Variants in AGK observed in about 807,000 individuals in gnomAD.
AGK encodes the protein acylglycerol kinase, mitochondrial.
Under a neutral mutation model 66.4 loss-of-function variants are expected in AGK, and 52 were observed. The observed-to-expected ratio is 0.78, with a 90% CI of 0.63 to 0.99. AGK has a LOEUF of 0.99. Among genes scored for constraint, AGK ranks in the 50% least tolerant of loss-of-function variants. The pLI is 0.00. For missense variants in AGK, 451 were observed against 506.6 expected (o/e 0.89, Z 1.05); for synonymous variants, 182 against 181.1 (o/e 1.00, Z -0.04).
chr7:141,636,705 G>A (rs749083253), intron 10 of AGK, among the ~76,000 whole-genome samples: 4 of 152,184 alleles, frequency 2.6e-5, no homozygotes, highest in Non-Finnish European at 5.9e-5. Flanking sequence ...GACTCAAGGA[G>A]CCTGGTTATA....
chr7:141,603,731 G>A lies in AGK; in HGVS notation c.297+2451G>A, dbSNP rs142422327. On this transcript the variant is annotated intron_variant, in intron 5 of 15. Coordinates refer to ENST00000649286, the MANE Select transcript of AGK (RefSeq NM_018238.4). ...CATAGTGGCATGGCTGAGGAAGGGT[G>A]GTCTTCGATGGCTTTACTCACGTCT... 2.2e-3 allele frequency among the ~76,000 whole-genome samples: 342 copies of A among 152,214 alleles called. 1 individual carries two copies. The highest frequency in any genetic ancestry group is 6.8e-3 in the Middle Eastern group (2 of 294).
rs1273605004 is a variant in AGK at position 141,577,892 on chromosome 7, C to T, written c.102-15254C>T. Among the ~76,000 whole-genome samples, 4 of 150,626 alleles carry T rather than the reference C, an allele frequency of 2.7e-5. No individual in the cohort carries two copies. In the East Asian group the frequency reaches 7.8e-4, roughly 29 times the overall value. ...GGCGTGCAGTGGTGTGATCTCTGCTCACTGCAACCTCCCAGGTTCAAGCAA... is the reference window on the plus strand; with the variant it reads ...GGCGTGCAGTGGTGTGATCTCTGCTTACTGCAACCTCCCAGGTTCAAGCAA... On this transcript the variant is annotated intron_variant, in intron 2 of 15. Coordinates refer to ENST00000649286, the MANE Select transcript of AGK (RefSeq NM_018238.4).
chr7:141,625,079 A>AT (rs1195168325), intron 9 of AGK, among the ~76,000 whole-genome samples: 1 of 152,190 alleles, frequency 6.6e-6, no homozygotes, highest in African/African-American at 2.4e-5. Context: ...AATTGTTAGC[A>AT]TTTTTTAATT....
chr7:141,633,827 T>A, intron 9 of AGK, 74 bp from the exon 10 acceptor site: 3 of 1,317,774 alleles, frequency 2.3e-6, no homozygotes, highest in Non-Finnish European at 3.3e-6. Flanking sequence ...CATGAACATT[T>A]GCTGAGTACT....
intron 13 of AGK, among the ~76,000 whole-genome samples, chr7:141,643,922 A>G (rs1211109409): frequency 2.0e-5 from 3 of 152,138 alleles, no homozygotes; most frequent in Non-Finnish European, 4.4e-5. Context: ...TGTCTCAGCA[A>G]TTTGGCATAG....
Position 141,649,967 on chromosome 7 carries a change from C to T in AGK, c.1046+634C>T, listed in dbSNP as rs138615397. Reference sequence around the variant, plus strand: ...TTCTGTGATTTGTTAAGTCCTACCTCTGCCAGAATTTTATTGGTAAAGAAC... The same window carrying T: ...TTCTGTGATTTGTTAAGTCCTACCTTTGCCAGAATTTTATTGGTAAAGAAC... On this transcript the variant is annotated intron_variant, in intron 14 of 15. Transcript: ENST00000649286. 1.4e-3 allele frequency among the ~76,000 whole-genome samples: 207 copies of T among 152,364 alleles called. 2 individuals carry two copies. The highest frequency in any genetic ancestry group is 4.8e-3 in the African/African-American group (199 of 41,594).
At chr7:141,554,694 C>T (rs35278963) in intron 1 of AGK, among the ~76,000 whole-genome samples, 12,814 of 152,178 alleles carry the variant, frequency 0.084, 1,110 homozygotes, top group African/African-American at 0.22. Context: ...ATAAGCATCA[C>T]CAAATAATAA....
intron 2 of AGK, among the ~76,000 whole-genome samples, chr7:141,578,151 C>G (rs1795793957): frequency 6.6e-6 from 1 of 152,030 alleles, no homozygotes; most frequent in African/African-American, 2.4e-5. Context: ...CACCTGGGTG[C>G]AGGCGGGCTG....
chr7:141,646,474 G>C (rs1797416366), intron 13 of AGK, among the ~76,000 whole-genome samples: 1 of 152,124 alleles, frequency 6.6e-6, no homozygotes, highest in African/African-American at 2.4e-5. Flanking sequence ...ACTAAAGGCT[G>C]CCCTCTTCCC....
intron 5 of AGK, among the ~76,000 whole-genome samples, chr7:141,602,172 C>CA (rs527736205): frequency 1.4e-5 from 1 of 73,392 alleles, no homozygotes; most frequent in Non-Finnish European, 3.6e-5. Context: ...GGGAGATTTT[C>CA]TTGTGTGTGT....
At chr7:141,593,076 A>G (rs2116921444) in intron 2 of AGK, 70 bp from the exon 3 acceptor site, 2 of 1,390,212 alleles carry the variant, frequency 1.4e-6, no homozygotes, top group East Asian at 2.3e-5. Context: ...AAAATTAAAA[A>G]GCTCACAAAT....
At chr7:141,596,707 A>T in intron 4 of AGK, 66 bp downstream of exon 4, 1 of 1,392,706 alleles carries the variant, frequency 7.2e-7, no homozygotes, top group Non-Finnish European at 1.0e-6. Flanking sequence ...ACAGACTATC[A>T]GGCAGCTAGT....
At chr7:141,597,609 G>A (rs1018728225) in intron 4 of AGK, among the ~76,000 whole-genome samples, 1 of 151,950 alleles carries the variant, frequency 6.6e-6, no homozygotes, top group African/African-American at 2.4e-5. Flanking sequence ...AGTGGTTCAC[G>A]CCTGTAATCG....
Position 141,653,060 on chromosome 7 carries a change from C to G in AGK, c.*136C>G. On this transcript the variant is annotated 3_prime_UTR_variant, in exon 16 of 16. Coordinates refer to ENST00000649286, the MANE Select transcript of AGK (RefSeq NM_018238.4). ...TTCATGGCAAGTACCCCTCTGCCCC[C>G]ACTCCAGCAGTGCTTCCCAAAGTGT... 2.0e-6 allele frequency: 2 copies of G among 1,011,462 alleles called. No individual in the cohort carries two copies. The highest frequency in any genetic ancestry group is 2.9e-6 in the Non-Finnish European group (2 of 693,524). 62.7% of individuals were successfully genotyped at this position (1,011,462 alleles called of 1,614,324 possible). A position where few individuals can be genotyped will look rare whatever the true frequency, so the allele number is the denominator to read the frequency against.
chr7:141,589,848 CTG>C (rs977994567), intron 2 of AGK, among the ~76,000 whole-genome samples: 20 of 152,332 alleles, frequency 1.3e-4, no homozygotes, highest in Admixed American at 9.1e-4. Flanking sequence ...GCATGAGTCA[CTG>C]TGCCAGACCC....
intron 13 of AGK, among the ~76,000 whole-genome samples, chr7:141,644,038 C>T (rs1421774197): frequency 6.6e-6 from 1 of 151,602 alleles, no homozygotes; most frequent in Admixed American, 6.6e-5. Flanking sequence ...TGTAGGCAGT[C>T]CTTTTTTACA....
intron 2 of AGK, among the ~76,000 whole-genome samples, chr7:141,573,642 A>C (rs1207919753): frequency 6.6e-6 from 1 of 152,192 alleles, no homozygotes; most frequent in East Asian, 1.9e-4. Flanking sequence ...TTATGTGTTT[A>C]TAGGCCGGAA....
intron 6 of AGK, among the ~76,000 whole-genome samples, chr7:141,611,625 T>C (rs1796591594): frequency 6.6e-6 from 1 of 152,210 alleles, no homozygotes; most frequent in African/African-American, 2.4e-5. Context: ...AATGGAATCA[T>C]AGTTTCCATC....
At chr7:141,567,472 CT>C (rs1370516163) in intron 2 of AGK, among the ~76,000 whole-genome samples, 1 of 151,216 alleles carries the variant, frequency 6.6e-6, no homozygotes, top group Non-Finnish European at 1.5e-5. Flanking sequence ...CCTTCTTTTT[CT>C]CCCTTCCCCC....
Sources: gnomAD v4.1 joint callset for allele counts (sites outside exome capture counted in the v4.1 genomes callset) on GRCh38, gnomAD v4.1.1 for gene constraint, MANE v1.5 for transcripts, NCBI Gene and HGNC (gene_info 2026-07-23, HGNC 2026-07-21) for gene names.